DSCAML1: variants seen among roughly 807,000 people sequenced by gnomAD.
DSCAML1 encodes the protein cell adhesion molecule DSCAML1.
A neutral mutation model predicts 200.5 loss-of-function variants in DSCAML1; 38 were observed. That is an observed-to-expected ratio of 0.19 (90% CI 0.15 to 0.25). DSCAML1 has a LOEUF of 0.25. DSCAML1 is among the 10% of genes least tolerant of loss of function. The pLI is 1.00. For missense variants in DSCAML1, 2,223 were observed against 2,858.8 expected (o/e 0.78, Z 5.07); for synonymous variants, 1,215 against 1,165.0 (o/e 1.04, Z -0.87).
At chr11:117,764,938 T>C (rs1407968490) in intron 3 of DSCAML1, among the ~76,000 whole-genome samples, 1 of 152,132 alleles carries the variant, frequency 6.6e-6, no homozygotes, top group Non-Finnish European at 1.5e-5. Context: ...AGCCCCAGAC[T>C]CCACCCACAT....
chr11:117,738,233 T>G (rs535941141), intron 3 of DSCAML1, among the ~76,000 whole-genome samples: 1 of 152,302 alleles, frequency 6.6e-6, no homozygotes, highest in East Asian at 1.9e-4. Flanking sequence ...TTTTCTCACC[T>G]TCTGCCAGCA....
At chr11:117,758,041 A>G (rs2054727382) in intron 3 of DSCAML1, among the ~76,000 whole-genome samples, 1 of 151,942 alleles carries the variant, frequency 6.6e-6, no homozygotes. Context: ...GGTGGCTCAC[A>G]CCTGTAATTC....
chr11:117,773,879 A>G (rs949797121), intron 3 of DSCAML1, among the ~76,000 whole-genome samples: 30 of 152,168 alleles, frequency 2.0e-4, no homozygotes, highest in African/African-American at 6.3e-4. Context: ...AAATTCTCCA[A>G]TGCCAAACTA....
intron 3 of DSCAML1, among the ~76,000 whole-genome samples, chr11:117,566,791 A>G (rs2050766702): frequency 7.0e-6 from 1 of 142,442 alleles, no homozygotes; most frequent in East Asian, 2.1e-4. Context: ...ATGTGTTTTC[A>G]TTGTTCAATT....
At chr11:117,615,012 A>G (rs1306384156) in intron 3 of DSCAML1, among the ~76,000 whole-genome samples, 1 of 152,150 alleles carries the variant, frequency 6.6e-6, no homozygotes, top group African/African-American at 2.4e-5. Context: ...ATAATTTTGC[A>G]CAGAAAAAAA....
At position 117,481,978 on chromosome 11, in the gene DSCAML1, G is replaced by A. The variant is rs201186852; in HGVS notation, c.2544C>T (p.Val848=). 5 of 1,613,952 alleles carry A rather than the reference G, an allele frequency of 3.1e-6. No individual in the cohort carries two copies. The highest frequency in any genetic ancestry group is 1.7e-5 in the Admixed American group (1 of 60,004). ...GGGTGCTCACCTTCAGTGTGGAGAC[G>A]ACCTCGTCGCCGTTGTCCTTGGTGG... ...AIATKDNGDE[V]VSTLKLKPAD... Residue 848 remains valine (V), a synonymous_variant, in exon 12 of 33, where the codon GTC becomes GTT. Transcript: ENST00000651296.
intron 20 of DSCAML1, among the ~76,000 whole-genome samples, chr11:117,449,779 C>A (rs1286986265): frequency 3.9e-5 from 6 of 152,208 alleles, no homozygotes; most frequent in Non-Finnish European, 5.9e-5. Flanking sequence ...AACAGGCATT[C>A]TCTATAGTAG....
chr11:117,677,792 C>T (rs2053240876), intron 3 of DSCAML1, among the ~76,000 whole-genome samples: 1 of 152,194 alleles, frequency 6.6e-6, no homozygotes, highest in Admixed American at 6.5e-5. Context: ...AACTGAGGCA[C>T]AGACAGGTGA....
At chr11:117,563,771 C>T (rs565930866) in intron 3 of DSCAML1, among the ~76,000 whole-genome samples, 3 of 152,052 alleles carry the variant, frequency 2.0e-5, no homozygotes, top group Admixed American at 6.6e-5. Flanking sequence ...TGGGACGAGC[C>T]GTGTGACAGC....
At chr11:117,673,854 A>G (rs1048645983) in intron 3 of DSCAML1, among the ~76,000 whole-genome samples, 1 of 152,346 alleles carries the variant, frequency 6.6e-6, no homozygotes, top group African/African-American at 2.4e-5. Flanking sequence ...TCATTCCCCA[A>G]CCTTTTAGGC....
intron 3 of DSCAML1, among the ~76,000 whole-genome samples, chr11:117,769,512 A>T (rs1190874349): frequency 1.3e-5 from 1 of 76,776 alleles, no homozygotes; most frequent in Non-Finnish European, 2.3e-5. Context: ...TATATATTTT[A>T]TATATATTAT....
At chr11:117,585,498 CGGCCTCCGA>C (rs2051123348) in intron 3 of DSCAML1, among the ~76,000 whole-genome samples, 1 of 152,168 alleles carries the variant, frequency 6.6e-6, no homozygotes, top group South Asian at 2.1e-4. Context: ...CCGCCCACCT[CGGCCTCCGA>C]AGTGCTGGGA....
chr11:117,683,973 G>A (rs1263519957), intron 3 of DSCAML1, among the ~76,000 whole-genome samples: 1 of 152,196 alleles, frequency 6.6e-6, no homozygotes, highest in Non-Finnish European at 1.5e-5. Context: ...GCAGATATAT[G>A]TGTGCTGTTG....
intron 3 of DSCAML1, among the ~76,000 whole-genome samples, chr11:117,765,517 T>A (rs1347926061): frequency 6.6e-6 from 1 of 152,110 alleles, no homozygotes; most frequent in Non-Finnish European, 1.5e-5. Flanking sequence ...TGCTCACACC[T>A]ACGATCACAC....
intron 18 of DSCAML1, among the ~76,000 whole-genome samples, chr11:117,459,345 G>A (rs1392797789): frequency 1.3e-5 from 2 of 152,328 alleles, no homozygotes; most frequent in South Asian, 2.1e-4. Context: ...TGGCCAGCCC[G>A]CCTTGGGCCG....
intron 3 of DSCAML1, among the ~76,000 whole-genome samples, chr11:117,762,209 G>A (rs564894199): frequency 6.6e-6 from 1 of 152,304 alleles, no homozygotes; most frequent in African/African-American, 2.4e-5. Flanking sequence ...GACAAGATAA[G>A]TTCATAAAGC....
At chr11:117,633,723 AG>A (rs1373435809) in intron 3 of DSCAML1, among the ~76,000 whole-genome samples, 2 of 152,242 alleles carry the variant, frequency 1.3e-5, no homozygotes, top group Admixed American at 1.3e-4. Flanking sequence ...ATTGAAGGGT[AG>A]GGGGAAGACA....
At chr11:117,722,195 A>T in intron 3 of DSCAML1, among the ~76,000 whole-genome samples, 1 of 152,068 alleles carries the variant, frequency 6.6e-6, no homozygotes, top group East Asian at 1.9e-4. Context: ...TACAGGAAAA[A>T]CTTGAGGGTG....
intron 3 of DSCAML1, among the ~76,000 whole-genome samples, chr11:117,650,698 T>TGTGTGTGTGC (rs1427168133): frequency 8.8e-3 from 933 of 106,402 alleles, no homozygotes; most frequent in Middle Eastern, 0.015. Flanking sequence ...TGTGTGTGTG[T>TGTGTGTGTGC]GTGCGTGTGT....
Sources: allele counts gnomAD v4.1 joint callset (sites outside exome capture counted in the v4.1 genomes callset), GRCh38; gene constraint gnomAD v4.1.1; transcripts MANE v1.5; gene names NCBI Gene and HGNC (gene_info 2026-07-23, HGNC 2026-07-21).